TTC34: variants seen among roughly 807,000 people sequenced by gnomAD.
TTC34 encodes tetratricopeptide repeat domain 34, also known as tetratricopeptide repeat protein 34.
TTC34 carries 44 observed loss-of-function variants against 40.7 expected under a neutral mutation model. The ratio of observed to expected loss-of-function variants is 1.08; its 90% CI spans 0.85 to 1.39. TTC34 has a LOEUF of 1.39. TTC34 is among the 40% of genes most tolerant of loss of function. The pLI, the probability that TTC34 is intolerant of heterozygous loss-of-function variation, is 0.00. For synonymous variants in TTC34, 422 were observed against 398.6 expected, an observed-to-expected ratio of 1.06 and a Z score of -0.70; for missense variants, 884 against 838.0, an observed-to-expected ratio of 1.05 and a Z score of -0.68.
intron 6 of TTC34, among the ~76,000 whole-genome samples, chr1:2,767,812 G>T (rs192560204): frequency 1.3e-5 from 2 of 151,004 alleles, no homozygotes; most frequent in Non-Finnish European, 1.5e-5. Flanking sequence ...CACACTCCCA[G>T]GTGAGCATCT....
intron 6 of TTC34, among the ~76,000 whole-genome samples, chr1:2,686,708 G>C (rs1570815183): frequency 6.7e-6 from 1 of 148,686 alleles, no homozygotes; most frequent in Non-Finnish European, 1.5e-5. Flanking sequence ...TGACAGCCTG[G>C]AACAGCACAC....
At chr1:2,750,692 A>T (rs1269324291) in intron 6 of TTC34, among the ~76,000 whole-genome samples, 1 of 36,942 alleles carries the variant, frequency 2.7e-5, no homozygotes, top group African/African-American at 1.4e-4. Flanking sequence ...TGCACCCCCA[A>T]GTGAGCATCC....
intron 5 of TTC34, among the ~76,000 whole-genome samples, chr1:2,785,361 A>G (rs1009672363): frequency 1.3e-5 from 2 of 151,886 alleles, no homozygotes; most frequent in African/African-American, 4.8e-5. Flanking sequence ...CTGGCCCCCC[A>G]ACCCCAGAAA....
At chr1:2,641,514 C>T (rs778891145) in exon 9 of TTC34, 63 of 1,535,368 alleles carry the variant, frequency 4.1e-5, no homozygotes, top group East Asian at 9.8e-5. Context: ...CAGCACTGCC[C>T]GCGGAGAAGG....
intron 1 of TTC34, among the ~76,000 whole-genome samples, 194 bp downstream of exon 1, chr1:2,801,383 C>G (rs897326410): frequency 5.3e-5 from 8 of 152,146 alleles, no homozygotes; most frequent in African/African-American, 1.9e-4. Flanking sequence ...GCCCTTGGGT[C>G]GGGGGAGCCA....
chr1:2,793,229 T>C (rs1643681772), intron 2 of TTC34, among the ~76,000 whole-genome samples: 1 of 152,256 alleles, frequency 6.6e-6, no homozygotes, highest in Non-Finnish European at 1.5e-5. Flanking sequence ...CTCATTGTTT[T>C]AATTTTGCAT....
At chr1:2,785,335 C>T (rs1262943751) in intron 5 of TTC34, among the ~76,000 whole-genome samples, 1 of 117,318 alleles carries the variant, frequency 8.5e-6, no homozygotes. Context: ...GGAAACATCG[C>T]CTTCCCTCCA....
chr1:2,800,958 C>T (rs968668035), intron 1 of TTC34, 90 bp from the exon 2 acceptor site: 5 of 397,722 alleles, frequency 1.3e-5, no homozygotes, highest in African/African-American at 8.2e-5. Flanking sequence ...CCACCTCCAC[C>T]CCTTCCCATT....
chr1:2,759,986 G>A (rs1641642293), intron 6 of TTC34, among the ~76,000 whole-genome samples: 1 of 139,768 alleles, frequency 7.2e-6, no homozygotes, highest in Non-Finnish European at 1.5e-5. Context: ...CTGATGGTCT[G>A]GAGAAGCACC....
intron 6 of TTC34, among the ~76,000 whole-genome samples, chr1:2,653,588 A>T (rs1639227900): frequency 7.2e-6 from 1 of 138,188 alleles, no homozygotes; most frequent in Admixed American, 7.4e-5. Context: ...AGCATCTGAC[A>T]TCGTGGAGCA....
chr1:2,756,668 C>T (rs1641516610), intron 6 of TTC34, among the ~76,000 whole-genome samples: 4 of 150,570 alleles, frequency 2.7e-5, no homozygotes, highest in Admixed American at 6.6e-5. Flanking sequence ...CACCCACACC[C>T]CCAGGTGAGC....
chr1:2,698,729 C>T (rs1315010654), intron 6 of TTC34, among the ~76,000 whole-genome samples: 2 of 140,794 alleles, frequency 1.4e-5, no homozygotes, highest in African/African-American at 5.3e-5. Context: ...CACCAACAAC[C>T]CCAGGCTTGC....
intron 6 of TTC34, among the ~76,000 whole-genome samples, chr1:2,685,882 C>A (rs1570812364): frequency 6.6e-6 from 1 of 150,606 alleles, no homozygotes; most frequent in South Asian, 2.1e-4. Flanking sequence ...CCCTGCACCC[C>A]CAGGTGAGCA....
chr1:2,752,844 A>G (rs1641369712), intron 6 of TTC34, among the ~76,000 whole-genome samples: 3 of 149,792 alleles, frequency 2.0e-5, no homozygotes, highest in Non-Finnish European at 4.4e-5. Flanking sequence ...AGACTGGAAC[A>G]GCACCCACAC....
intron 6 of TTC34, among the ~76,000 whole-genome samples, chr1:2,682,257 C>T (rs1640115993): frequency 1.5e-5 from 2 of 132,258 alleles, no homozygotes; most frequent in Non-Finnish European, 1.7e-5. Context: ...TTGTCTGGAG[C>T]AGCACCCACA....
chr1:2,637,744 CAT>C (rs1638820562), exon 9 of TTC34: 1 of 152,214 alleles, frequency 6.6e-6, no homozygotes, highest in African/African-American at 2.4e-5. Flanking sequence ...CAGTTTAAGT[CAT>C]AGACAGAGAA....
At chr1:2,650,798 C>T (rs2100210757) in intron 6 of TTC34, among the ~76,000 whole-genome samples, 1 of 150,220 alleles carries the variant, frequency 6.7e-6, no homozygotes, top group South Asian at 2.1e-4. Flanking sequence ...GCAAGGTGAG[C>T]ATCTGACAGC....
At chr1:2,752,578 GGT>G in intron 6 of TTC34, among the ~76,000 whole-genome samples, 1 of 80,586 alleles carries the variant, frequency 1.2e-5, no homozygotes. Flanking sequence ...TGCACCCCCA[GGT>G]GAGAATCTGA....
chr1:2,647,145 A>G (rs1296564795), intron 6 of TTC34, among the ~76,000 whole-genome samples: 4 of 147,462 alleles, frequency 2.7e-5, no homozygotes, highest in African/African-American at 7.6e-5. Context: ...TTCTCTTTCT[A>G]TTTTTCCTCT....
Sources: allele counts gnomAD v4.1 joint callset (sites outside exome capture counted in the v4.1 genomes callset), GRCh38; gene constraint gnomAD v4.1.1; transcripts MANE v1.5; gene names NCBI Gene and HGNC (gene_info 2026-07-23, HGNC 2026-07-21).